TAFA1: variants seen among roughly 807,000 people sequenced by gnomAD.
TAFA1 encodes the protein TAFA chemokine like family member 1.
A neutral mutation model predicts 18.5 loss-of-function variants in TAFA1; 4 were observed. That is an observed-to-expected ratio of 0.22 (90% CI 0.11 to 0.49). TAFA1 has a LOEUF of 0.49. Ranked by LOEUF, TAFA1 falls within the 20% of genes least tolerant of loss-of-function variation. TAFA1 has a pLI of 0.98. For missense variants in TAFA1, 147 were observed against 169.0 expected (o/e 0.87, Z 0.72); for synonymous variants, 56 against 55.2 (o/e 1.01, Z -0.06).
intron 2 of TAFA1, among the ~76,000 whole-genome samples, chr3:68,251,437 ATTCATTCATTGCATG>A (rs1378871210): frequency 6.6e-6 from 1 of 152,202 alleles, no homozygotes; most frequent in Non-Finnish European, 1.5e-5. Flanking sequence ...TTTTCATTTC[ATTCATTCATTGCATG>A]CCCACTCTAG....
intron 2 of TAFA1, among the ~76,000 whole-genome samples, chr3:68,131,700 G>T (rs1299560266): frequency 6.6e-6 from 1 of 152,178 alleles, no homozygotes; most frequent in Non-Finnish European, 1.5e-5. Context: ...AGCGTTCAAG[G>T]CTCATGCCTT....
At chr3:68,246,392 C>T (rs1270159698) in intron 2 of TAFA1, among the ~76,000 whole-genome samples, 4 of 151,654 alleles carry the variant, frequency 2.6e-5, no homozygotes, top group African/African-American at 9.7e-5. Flanking sequence ...AGATGGAGAC[C>T]ATCCTGGCTA....
At chr3:68,414,217 G>A (rs2070769535) in intron 2 of TAFA1, among the ~76,000 whole-genome samples, 1 of 152,158 alleles carries the variant, frequency 6.6e-6, no homozygotes, top group Non-Finnish European at 1.5e-5. Context: ...TGAGGCAAGA[G>A]AATCACTTGA....
intron 2 of TAFA1, among the ~76,000 whole-genome samples, chr3:68,408,545 G>T (rs906431048): frequency 6.6e-6 from 1 of 152,104 alleles, no homozygotes; most frequent in South Asian, 2.1e-4. Context: ...TATACATTCT[G>T]TCTTTCTTCT....
chr3:68,202,471 A>G (rs565794825), intron 2 of TAFA1, among the ~76,000 whole-genome samples: 3 of 151,514 alleles, frequency 2.0e-5, no homozygotes, highest in East Asian at 3.9e-4. Context: ...TGTGGTTTTA[A>G]TGATACATAT....
intron 3 of TAFA1, among the ~76,000 whole-genome samples, chr3:68,535,824 G>T (rs1194731457): frequency 6.6e-6 from 1 of 152,016 alleles, no homozygotes; most frequent in Non-Finnish European, 1.5e-5. Flanking sequence ...GGTTTTTAAA[G>T]GGGGAAAAAT....
intron 2 of TAFA1, among the ~76,000 whole-genome samples, chr3:68,227,988 G>T (rs953913140): frequency 2.0e-5 from 3 of 152,150 alleles, no homozygotes; most frequent in Non-Finnish European, 4.4e-5. Context: ...ACAGCCCAGG[G>T]TGCAACTTGG....
chr3:68,270,131 A>G (rs1048510165), intron 2 of TAFA1, among the ~76,000 whole-genome samples: 9 of 152,150 alleles, frequency 5.9e-5, no homozygotes, highest in Admixed American at 2.6e-4. Context: ...TGACGGAAGT[A>G]GATTTCAATA....
At chr3:68,161,427 C>T (rs916691206) in intron 2 of TAFA1, among the ~76,000 whole-genome samples, 3 of 152,110 alleles carry the variant, frequency 2.0e-5, no homozygotes, top group South Asian at 4.1e-4. Flanking sequence ...AGATGTTAGA[C>T]CTTGGGCCCC....
chr3:68,018,619 C>G (rs1704618111), intron 2 of TAFA1, among the ~76,000 whole-genome samples: 1 of 152,162 alleles, frequency 6.6e-6, no homozygotes, highest in African/African-American at 2.4e-5. Context: ...GGGTAAGGAA[C>G]CCAGCAGTCT....
intron 2 of TAFA1, among the ~76,000 whole-genome samples, chr3:68,280,430 T>C (rs551801273): frequency 6.6e-6 from 1 of 152,246 alleles, no homozygotes; most frequent in East Asian, 1.9e-4. Context: ...AGTCTCAACA[T>C]TGTATGTCTT....
At chr3:68,477,203 A>T (rs368232401) in intron 3 of TAFA1, among the ~76,000 whole-genome samples, 1 of 151,938 alleles carries the variant, frequency 6.6e-6, no homozygotes, top group Non-Finnish European at 1.5e-5. Flanking sequence ...ATATATTTTA[A>T]CATAATTTGT....
intron 2 of TAFA1, among the ~76,000 whole-genome samples, chr3:68,036,268 A>G (rs1157172214): frequency 2.6e-5 from 4 of 151,986 alleles, no homozygotes; most frequent in Non-Finnish European, 5.9e-5. Flanking sequence ...GTGAAACCCC[A>G]TCTCTACTAA....
chr3:68,352,232 G>C (rs1158912526), intron 2 of TAFA1, among the ~76,000 whole-genome samples: 1 of 151,882 alleles, frequency 6.6e-6, no homozygotes, highest in African/African-American at 2.4e-5. Flanking sequence ...ATTTGTAGCT[G>C]GGACAGATCC....
At position 68,145,473 on chromosome 3, in the gene TAFA1, C is replaced by G. The variant is rs1029282172; in HGVS notation, c.118+138729C>G. On this transcript the variant is annotated intron_variant, in intron 2 of 4. Coordinates refer to ENST00000478136, the MANE Select transcript of TAFA1 (RefSeq NM_213609.4). ...TTAGAACAAGGATGGCAAGTTGATTCCACCACAAGAATGGTTCTGCCCAGA... is the reference window on the plus strand; with the variant it reads ...TTAGAACAAGGATGGCAAGTTGATTGCACCACAAGAATGGTTCTGCCCAGA... 16 of 888,636 alleles carry G rather than the reference C, an allele frequency of 1.8e-5. No homozygotes were observed. In the African/African-American group the frequency reaches 2.0e-4, roughly 11 times the overall value. 55.0% of individuals were successfully genotyped at this position (888,636 alleles called of 1,614,324 possible).
intron 3 of TAFA1, among the ~76,000 whole-genome samples, chr3:68,481,870 C>T (rs1275920382): frequency 6.6e-6 from 1 of 152,172 alleles, no homozygotes; most frequent in African/African-American, 2.4e-5. Flanking sequence ...CATTCTTCTT[C>T]ATTTCACACT....
intron 2 of TAFA1, among the ~76,000 whole-genome samples, chr3:68,378,817 C>A (rs2069871558): frequency 6.6e-6 from 1 of 151,976 alleles, no homozygotes; most frequent in African/African-American, 2.4e-5. Flanking sequence ...GTAAGCAAAG[C>A]CTTTGACAGT....
chr3:68,456,850 G>A lies in TAFA1; in HGVS notation c.259+39430G>A, dbSNP rs183940577. ...TATCTTGAAATGATAGGCAACTGCA[G>A]CTGCAGACCTCAATCAAGCAATTCA... On this transcript the variant is annotated intron_variant, in intron 3 of 4. Transcript: ENST00000478136. Among the ~76,000 whole-genome samples the A allele has an allele frequency of 9.2e-5, 14 of 152,244 alleles. No homozygotes were observed. The East Asian group carries it at 2.3e-3, about 25-fold the overall frequency.
intron 2 of TAFA1, among the ~76,000 whole-genome samples, chr3:68,294,599 C>T (rs2068173928): frequency 6.6e-6 from 1 of 152,124 alleles, no homozygotes; most frequent in African/African-American, 2.4e-5. Flanking sequence ...AAATTCAGCT[C>T]CTGGGCCAGG....
Sources: allele counts gnomAD v4.1 joint callset (sites outside exome capture counted in the v4.1 genomes callset), GRCh38; gene constraint gnomAD v4.1.1; transcripts MANE v1.5; gene names NCBI Gene and HGNC (gene_info 2026-07-23, HGNC 2026-07-21).